SUSD1: variants seen among roughly 807,000 people sequenced by gnomAD.
SUSD1 encodes sushi domain containing 1.
In SUSD1, 65 loss-of-function variants were observed where a neutral mutation model predicts 86.9. The observed-to-expected ratio is 0.75, with a 90% CI of 0.61 to 0.92. The LOEUF (loss-of-function observed/expected upper bound fraction) is 0.92, where lower values mean the gene tolerates loss of function less well. Ranked by LOEUF, SUSD1 falls within the 40% of genes least tolerant of loss-of-function variation. SUSD1 has a pLI of 0.00. For synonymous variants in SUSD1, 346 were observed against 350.0 expected, an observed-to-expected ratio of 0.99 and a Z score of 0.13; for missense variants, 850 against 929.7, an observed-to-expected ratio of 0.91 and a Z score of 1.11.
intron 2 of SUSD1, among the ~76,000 whole-genome samples, chr9:112,152,546 G>A (rs1833100129): frequency 6.7e-6 from 1 of 148,958 alleles, no homozygotes. Flanking sequence ...AGGACCACAG[G>A]TGACTGCTAC....
intron 3 of SUSD1, among the ~76,000 whole-genome samples, chr9:112,148,907 A>T (rs374094437): frequency 3.0e-4 from 23 of 76,784 alleles, no homozygotes; most frequent in Admixed American, 2.7e-3. Context: ...CCCCCCCCTT[A>T]AAAAAAAAAA....
At chr9:112,050,931 C>T (rs17230992) in intron 15 of SUSD1, among the ~76,000 whole-genome samples, 11,334 of 152,286 alleles carry the variant, frequency 0.074, 540 homozygotes, top group South Asian at 0.14. Flanking sequence ...CAGCGCTCAG[C>T]AGAAATGTTC....
At chr9:112,160,279 C>T (rs1833508658) in intron 1 of SUSD1, among the ~76,000 whole-genome samples, 1 of 152,152 alleles carries the variant, frequency 6.6e-6, no homozygotes, top group Non-Finnish European at 1.5e-5. Context: ...CGGAGTGGCT[C>T]ACGCCTGTAA....
intron 1 of SUSD1, among the ~76,000 whole-genome samples, chr9:112,168,753 A>C (rs1833922280): frequency 6.6e-6 from 1 of 152,178 alleles, no homozygotes; most frequent in Non-Finnish European, 1.5e-5. Context: ...CCAGGAGTTC[A>C]TGACTAGCCT....
intron 15 of SUSD1, among the ~76,000 whole-genome samples, chr9:112,045,701 G>C (rs1827927169): frequency 6.6e-6 from 1 of 152,134 alleles, no homozygotes; most frequent in Non-Finnish European, 1.5e-5. Context: ...CACTTCTGGT[G>C]GTTCTTCCTT....
chr9:112,084,446 A>T (rs956264256), intron 10 of SUSD1, among the ~76,000 whole-genome samples: 3 of 152,160 alleles, frequency 2.0e-5, no homozygotes, highest in East Asian at 1.9e-4. Flanking sequence ...TTCATTTTTT[A>T]AAATTACACA....
intron 5 of SUSD1, among the ~76,000 whole-genome samples, chr9:112,139,316 T>C (rs2131742244): frequency 6.6e-6 from 1 of 152,268 alleles, no homozygotes; most frequent in East Asian, 1.9e-4. Flanking sequence ...CAATGCAAGA[T>C]TTATAAGTAA....
At chr9:112,050,164 C>CA (rs1056306986) in intron 15 of SUSD1, among the ~76,000 whole-genome samples, 21 of 151,052 alleles carry the variant, frequency 1.4e-4, no homozygotes, top group African/African-American at 3.9e-4. Flanking sequence ...GATGGACTGG[C>CA]AAAAAAAAAT....
At chr9:112,158,191 C>A (rs1423680221) in intron 1 of SUSD1, among the ~76,000 whole-genome samples, 2 of 151,966 alleles carry the variant, frequency 1.3e-5, no homozygotes, top group African/African-American at 4.8e-5. Flanking sequence ...CGAGCCCCAA[C>A]CACACATGGT....
chr9:112,118,774 C>T (rs763604746), intron 6 of SUSD1, among the ~76,000 whole-genome samples: 12 of 152,132 alleles, frequency 7.9e-5, no homozygotes, highest in South Asian at 2.1e-4. Flanking sequence ...CGTGAGCCAC[C>T]GCGCCCAGCC....
intron 12 of SUSD1, among the ~76,000 whole-genome samples, chr9:112,066,172 T>C (rs1309038258): frequency 6.6e-6 from 1 of 152,178 alleles, no homozygotes; most frequent in Non-Finnish European, 1.5e-5. Context: ...TTACCTGAGA[T>C]TAAACCATGA....
intron 15 of SUSD1, among the ~76,000 whole-genome samples, chr9:112,047,991 TC>T (rs1233347012): frequency 1.3e-5 from 2 of 151,982 alleles, no homozygotes; most frequent in African/African-American, 4.8e-5. Flanking sequence ...AGGACTAGGG[TC>T]CCCATTTTCT....
chr9:112,138,253 ATATGTG>A (rs1180336764), intron 5 of SUSD1, among the ~76,000 whole-genome samples: 3 of 118,378 alleles, frequency 2.5e-5, no homozygotes, highest in Non-Finnish European at 5.0e-5. Context: ...ATATATATAT[ATATGTG>A]TATATACATA....
chr9:112,073,590 A>G (rs1829384941), intron 12 of SUSD1, among the ~76,000 whole-genome samples: 1 of 148,354 alleles, frequency 6.7e-6, no homozygotes, highest in Admixed American at 7.0e-5. Context: ...TAGACTTAGC[A>G]AGAAAATAGC....
In SUSD1 at chr9:112,118,807, G is replaced by A. The variant is rs545090681; in HGVS notation, c.886+5450C>T. Among the ~76,000 whole-genome samples the A allele has an allele frequency of 8.5e-5, 13 of 152,172 alleles. No individual in the cohort carries two copies. In the South Asian group the frequency reaches 1.9e-3, roughly 22 times the overall value. ...GCCAGGAATACATTTTTATCTGTTC[G>A]TTATGTATCAGTTTTTGTGTATATC... On this transcript the variant is annotated intron_variant, in intron 6 of 16. Coordinates refer to ENST00000374270, the MANE Select transcript of SUSD1 (RefSeq NM_022486.5).
At chr9:112,059,531 T>C (rs1304807504) in intron 13 of SUSD1, among the ~76,000 whole-genome samples, 1 of 152,084 alleles carries the variant, frequency 6.6e-6, no homozygotes, top group Non-Finnish European at 1.5e-5. Context: ...GATACCAAAG[T>C]TCATGTGAAA....
chr9:112,071,290 C>A (rs996168474), intron 12 of SUSD1, among the ~76,000 whole-genome samples: 1 of 151,940 alleles, frequency 6.6e-6, no homozygotes, highest in Non-Finnish European at 1.5e-5. Flanking sequence ...AGTAAGACCT[C>A]ATCTTTACAA....
At chr9:112,135,724 G>T (rs1381428719) in intron 5 of SUSD1, among the ~76,000 whole-genome samples, 2 of 152,136 alleles carry the variant, frequency 1.3e-5, no homozygotes, top group Admixed American at 6.6e-5. Flanking sequence ...TTATGTTTTT[G>T]ATGAGGAGAC....
chr9:112,050,992 T>A (rs1376476332), intron 15 of SUSD1, among the ~76,000 whole-genome samples: 2 of 152,180 alleles, frequency 1.3e-5, no homozygotes, highest in African/African-American at 4.8e-5. Flanking sequence ...AGGGGTCCCA[T>A]CAGGCAGACC....
Sources: allele counts gnomAD v4.1 joint callset (sites outside exome capture counted in the v4.1 genomes callset), GRCh38; gene constraint gnomAD v4.1.1; transcripts MANE v1.5; gene names NCBI Gene and HGNC (gene_info 2026-07-23, HGNC 2026-07-21).